Variants in DAW1 observed in about 807,000 individuals in gnomAD.
The protein encoded by DAW1 is dynein assembly factor with WD repeat domains 1.
DAW1 carries 47 observed loss-of-function variants against 56.5 expected under a neutral mutation model. The ratio of observed to expected loss-of-function variants is 0.83; its 90% CI spans 0.66 to 1.06. The LOEUF is 1.06. DAW1 is among the 50% of genes least tolerant of loss of function. The probability of loss-of-function intolerance (pLI) is 0.00; values close to 1 mark genes in which losing one functional copy is unlikely to be tolerated. For synonymous variants in DAW1, 190 were observed against 179.0 expected (o/e 1.06, Z -0.49); for missense variants, 505 against 499.3 (o/e 1.01, Z -0.11).
intron 1 of DAW1, among the ~76,000 whole-genome samples, chr2:227,871,953 C>G (rs1559299398): frequency 6.6e-6 from 1 of 152,226 alleles, no homozygotes; most frequent in Admixed American, 6.5e-5. Context: ...TTTAGCTTGA[C>G]TGTGCATGTC....
Position 227,871,692 on chromosome 2 carries a change from GA to G in DAW1, c.5del (p.Lys2SerfsTer24). 1 of 1,613,798 alleles carries G rather than the reference GA, an allele frequency of 6.2e-7. No individual in the cohort carries two copies. M[K>X]LKSLLLRYYP... ...GCCGGGGATAAGAGAGCAAGAAAAT[GA>G]AGCTCAAGAGCCTCCTGCTCCGGTA... On this transcript the variant is annotated frameshift_variant, in exon 1 of 13. Transcript: ENST00000309931. LOFTEE classifies it high-confidence loss of function.
chr2:227,876,589 T>A, intron 1 of DAW1: 1 of 1,029,680 alleles, frequency 9.7e-7, no homozygotes, highest in Non-Finnish European at 1.3e-6. Flanking sequence ...TAGAGCAGTT[T>A]TGTTTTGCCT....
chr2:227,882,342 A>G (rs970066791), intron 1 of DAW1, among the ~76,000 whole-genome samples: 1 of 152,174 alleles, frequency 6.6e-6, no homozygotes, highest in Non-Finnish European at 1.5e-5. Context: ...GGAAGGTGAA[A>G]CTGCTGGTGC....
At chr2:227,906,790 A>G (rs1691694447) in intron 9 of DAW1, among the ~76,000 whole-genome samples, 1 of 152,240 alleles carries the variant, frequency 6.6e-6, no homozygotes, top group Non-Finnish European at 1.5e-5. Context: ...GTAGTTTTAT[A>G]TCAAGCTCCT....
intron 12 of DAW1, 122 bp downstream of exon 12, chr2:227,921,683 C>A: frequency 1.9e-6 from 2 of 1,036,906 alleles, no homozygotes; most frequent in Non-Finnish European, 2.8e-6. Context: ...ACTAGCTCAT[C>A]TTGGCCTGCC....
chr2:227,919,233 A>G (rs1279891919), intron 11 of DAW1, among the ~76,000 whole-genome samples: 2 of 150,070 alleles, frequency 1.3e-5, no homozygotes, highest in Non-Finnish European at 3.0e-5. Flanking sequence ...AAGCATGCTC[A>G]GTATAAATAG....
intron 11 of DAW1, among the ~76,000 whole-genome samples, chr2:227,920,012 T>C (rs1334449825): frequency 6.6e-6 from 1 of 151,960 alleles, no homozygotes; most frequent in Non-Finnish European, 1.5e-5. Flanking sequence ...GCTGGGAGGC[T>C]TATGGATGGC....
At chr2:227,910,654 A>G (rs1691793637) in intron 10 of DAW1, among the ~76,000 whole-genome samples, 2 of 152,146 alleles carry the variant, frequency 1.3e-5, no homozygotes, top group Non-Finnish European at 2.9e-5. Context: ...GTTACTTTAT[A>G]CTATTTCGGC....
At chr2:227,904,607 T>C (rs1455577292) in intron 7 of DAW1, among the ~76,000 whole-genome samples, 1 of 152,204 alleles carries the variant, frequency 6.6e-6, no homozygotes, top group East Asian at 1.9e-4. Context: ...CGTCCTCTAG[T>C]TTCCCCAAAT....
chr2:227,893,255 G>A (rs2106196491), intron 4 of DAW1, among the ~76,000 whole-genome samples: 1 of 142,730 alleles, frequency 7.0e-6, no homozygotes, highest in East Asian at 2.4e-4. Context: ...GGGTGACAGA[G>A]CAAGACTCTG....
chr2:227,910,393 CAGG>C (rs1371946182), intron 10 of DAW1, among the ~76,000 whole-genome samples: 1 of 151,828 alleles, frequency 6.6e-6, no homozygotes, highest in Non-Finnish European at 1.5e-5. Context: ...AACCTGAGCC[CAGG>C]AGGAGTTCAA....
At chr2:227,885,319 G>A (rs1332232000) in intron 1 of DAW1, 32 bp from the exon 2 acceptor site, 1 of 1,455,672 alleles carries the variant, frequency 6.9e-7, no homozygotes, top group East Asian at 2.4e-5. Flanking sequence ...GTTATCGTAA[G>A]TGTTTTATAA....
chr2:227,897,522 G>A (rs765887782), intron 5 of DAW1, among the ~76,000 whole-genome samples: 1 of 152,160 alleles, frequency 6.6e-6, no homozygotes, highest in African/African-American at 2.4e-5. Context: ...ACAGTTGTAA[G>A]CCAGGGTTAA....
At position 227,916,457 on chromosome 2, in the gene DAW1, G is replaced by A. The variant is rs1183688722; in HGVS notation, c.974-2323G>A. Reference sequence around the variant, plus strand: ...AACTATGTATGATGTTTAAACCAAGGTCATTCTCTTTGATAGTCACGTATT... The same window carrying A: ...AACTATGTATGATGTTTAAACCAAGATCATTCTCTTTGATAGTCACGTATT... On this transcript the variant is annotated intron_variant, in intron 10 of 12. Coordinates refer to ENST00000309931, the MANE Select transcript of DAW1 (RefSeq NM_178821.3). Among the ~76,000 whole-genome samples, 5 of 152,040 alleles carry A rather than the reference G, an allele frequency of 3.3e-5. No individual in the cohort carries two copies. The South Asian group carries it at 1.0e-3, about 32-fold the overall frequency.
At chr2:227,916,909 G>A (rs1430788986) in intron 10 of DAW1, among the ~76,000 whole-genome samples, 2 of 152,138 alleles carry the variant, frequency 1.3e-5, no homozygotes, top group Non-Finnish European at 2.9e-5. Flanking sequence ...GATCATGTAT[G>A]ATGCTACACT....
At chr2:227,877,338 A>T (rs1690904173) in intron 1 of DAW1, among the ~76,000 whole-genome samples, 1 of 152,186 alleles carries the variant, frequency 6.6e-6, no homozygotes, top group Non-Finnish European at 1.5e-5. Context: ...TTTTTAGTAG[A>T]TATGTGGTTT....
intron 1 of DAW1, chr2:227,876,478 A>G: frequency 7.7e-7 from 1 of 1,302,514 alleles, no homozygotes; most frequent in South Asian, 1.2e-5. Flanking sequence ...AGTTTCCAAG[A>G]TACTACTGAA....
intron 1 of DAW1, among the ~76,000 whole-genome samples, chr2:227,876,764 C>T (rs1010061630): frequency 2.6e-5 from 4 of 152,212 alleles, no homozygotes; most frequent in Non-Finnish European, 5.9e-5. Flanking sequence ...CATTCCTTTT[C>T]ATCTTGGTCA....
At chr2:227,901,584 G>C (rs1255575817) in intron 6 of DAW1, among the ~76,000 whole-genome samples, 1 of 151,912 alleles carries the variant, frequency 6.6e-6, no homozygotes, top group African/African-American at 2.4e-5. Flanking sequence ...GATACAAAAA[G>C]AAAAAAGAAA....
Sources: gnomAD v4.1 joint callset for allele counts (sites outside exome capture counted in the v4.1 genomes callset) on GRCh38, gnomAD v4.1.1 for gene constraint, MANE v1.5 for transcripts, NCBI Gene and HGNC (gene_info 2026-07-23, HGNC 2026-07-21) for gene names.